RBMS3: variants seen among roughly 807,000 people sequenced by gnomAD.
RBMS3 encodes RNA binding motif single stranded interacting protein 3, also known as RNA-binding motif, single-stranded-interacting protein 3.
In RBMS3, 27 loss-of-function variants were observed where a neutral mutation model predicts 66.8. The observed-to-expected ratio is 0.40, with a 90% CI of 0.30 to 0.56. RBMS3 has a LOEUF of 0.56. Ranked by LOEUF, RBMS3 falls within the 20% of genes least tolerant of loss-of-function variation. The probability of loss-of-function intolerance (pLI) is 0.40; values close to 1 mark genes in which losing one functional copy is unlikely to be tolerated. For synonymous variants in RBMS3, 188 were observed against 183.0 expected (o/e 1.03, Z -0.22); for missense variants, 513 against 549.5 (o/e 0.93, Z 0.66).
At chr3:29,842,775 G>T (rs772731870) in intron 6 of RBMS3, among the ~76,000 whole-genome samples, 3 of 152,202 alleles carry the variant, frequency 2.0e-5, no homozygotes, top group Non-Finnish European at 2.9e-5. Flanking sequence ...ATCAGAGTTA[G>T]CAGTAGATGT....
chr3:29,855,960 T>A (rs1403977308), intron 6 of RBMS3, among the ~76,000 whole-genome samples: 1 of 152,022 alleles, frequency 6.6e-6, no homozygotes, highest in African/African-American at 2.4e-5. Flanking sequence ...TTTAAATTGT[T>A]AAAAAAAGGC....
intron 4 of RBMS3, among the ~76,000 whole-genome samples, chr3:29,675,053 G>A (rs1331526366): frequency 1.3e-5 from 2 of 152,108 alleles, no homozygotes; most frequent in Non-Finnish European, 2.9e-5. Flanking sequence ...TACCAAAACA[G>A]CATGGTTCTG....
chr3:29,470,412 TCAA>T (rs1345295903), intron 2 of RBMS3, among the ~76,000 whole-genome samples: 1 of 152,062 alleles, frequency 6.6e-6, no homozygotes, highest in Non-Finnish European at 1.5e-5. Context: ...TTTCATTGTA[TCAA>T]CAACTTTAAA....
intron 10 of RBMS3, among the ~76,000 whole-genome samples, chr3:29,921,002 A>G (rs530257469): frequency 2.0e-5 from 3 of 152,274 alleles, no homozygotes; most frequent in African/African-American, 7.2e-5. Flanking sequence ...TTGGATATTA[A>G]TATTTGTTGG....
At chr3:29,581,885 C>T (rs1171741152) in intron 3 of RBMS3, among the ~76,000 whole-genome samples, 1 of 152,014 alleles carries the variant, frequency 6.6e-6, no homozygotes, top group African/African-American at 2.4e-5. Flanking sequence ...CCCAATACAC[C>T]CCAACACACA....
At chr3:29,825,808 A>C (rs1230228377) in intron 6 of RBMS3, among the ~76,000 whole-genome samples, 1 of 152,196 alleles carries the variant, frequency 6.6e-6, no homozygotes, top group Non-Finnish European at 1.5e-5. Flanking sequence ...TGCAAGACCT[A>C]GGTCATTTAC....
At chr3:29,681,647 T>C (rs1414757012) in intron 4 of RBMS3, among the ~76,000 whole-genome samples, 1 of 152,192 alleles carries the variant, frequency 6.6e-6, no homozygotes, top group East Asian at 1.9e-4. Context: ...GGATAATGGC[T>C]TTCAACCCCA....
At chr3:29,390,247 C>CAGGGGATTTCTTGGGGAAATCCAA (rs1462686742) in intron 1 of RBMS3, among the ~76,000 whole-genome samples, 4 of 152,116 alleles carry the variant, frequency 2.6e-5, no homozygotes, top group Admixed American at 6.5e-5. Flanking sequence ...CCTATGTAGA[C>CAGGGGATTTCTTGGGGAAATCCAA]ATCTTGGGGA....
At chr3:29,862,560 C>T (rs1416581234) in intron 6 of RBMS3, among the ~76,000 whole-genome samples, 1 of 152,022 alleles carries the variant, frequency 6.6e-6, no homozygotes, top group East Asian at 1.9e-4. Flanking sequence ...TAATATCACT[C>T]TGAGCTGGGA....
intron 14 of RBMS3, among the ~76,000 whole-genome samples, chr3:30,000,297 A>G (rs990837418): frequency 2.6e-5 from 4 of 152,202 alleles, no homozygotes; most frequent in African/African-American, 4.8e-5. Flanking sequence ...AAAGCTCATC[A>G]CCACTGATTA....
chr3:29,646,992 C>A (rs1019314937), intron 4 of RBMS3, among the ~76,000 whole-genome samples: 2 of 151,952 alleles, frequency 1.3e-5, no homozygotes, highest in African/African-American at 4.8e-5. Context: ...CTTTCTTTTC[C>A]CTTGAGACAG....
At chr3:29,435,906 G>A (rs1190494468) in intron 2 of RBMS3, among the ~76,000 whole-genome samples, 5 of 151,242 alleles carry the variant, frequency 3.3e-5, no homozygotes, top group South Asian at 2.1e-4. Context: ...ACCAGGAGGC[G>A]GAGTTTGCAG....
intron 5 of RBMS3, among the ~76,000 whole-genome samples, chr3:29,753,394 C>T (rs984710000): frequency 6.6e-6 from 1 of 152,218 alleles, no homozygotes; most frequent in Non-Finnish European, 1.5e-5. Flanking sequence ...CAATGCCCAT[C>T]AGCCCACTCT....
At chr3:29,928,516 G>T (rs777847481) in intron 10 of RBMS3, among the ~76,000 whole-genome samples, 2 of 151,756 alleles carry the variant, frequency 1.3e-5, no homozygotes, top group South Asian at 2.1e-4. Flanking sequence ...CAATACATCT[G>T]TATAGGAAAG....
chr3:29,418,115 C>G (rs2040554494), intron 1 of RBMS3, among the ~76,000 whole-genome samples: 1 of 152,064 alleles, frequency 6.6e-6, no homozygotes, highest in African/African-American at 2.4e-5. Flanking sequence ...CTAAAACTAG[C>G]ACATCAGCTA....
intron 5 of RBMS3, among the ~76,000 whole-genome samples, chr3:29,748,725 C>T (rs2055040813): frequency 6.6e-6 from 1 of 152,138 alleles, no homozygotes; most frequent in African/African-American, 2.4e-5. Context: ...TCAGCCTGAT[C>T]TGAGTTTTCT....
chr3:29,995,835 A>G (rs1387894919), intron 14 of RBMS3, among the ~76,000 whole-genome samples: 2 of 152,118 alleles, frequency 1.3e-5, no homozygotes, highest in African/African-American at 4.8e-5. Flanking sequence ...AAAGACCATC[A>G]AGACTAGGAA....
At chr3:29,933,221 G>A (rs2061176527) in intron 10 of RBMS3, among the ~76,000 whole-genome samples, 2 of 152,278 alleles carry the variant, frequency 1.3e-5, no homozygotes, top group South Asian at 4.1e-4. Flanking sequence ...TATTAAGTTG[G>A]AGTGGATTTG....
At chr3:29,400,568 G>A (rs996837956) in intron 1 of RBMS3, among the ~76,000 whole-genome samples, 1 of 151,854 alleles carries the variant, frequency 6.6e-6, no homozygotes, top group African/African-American at 2.4e-5. Context: ...TGGCTGACAT[G>A]GTAGATTTTG....
Sources: allele counts gnomAD v4.1 joint callset (sites outside exome capture counted in the v4.1 genomes callset), GRCh38; gene constraint gnomAD v4.1.1; transcripts MANE v1.5; gene names NCBI Gene and HGNC (gene_info 2026-07-23, HGNC 2026-07-21).